LONP1: variants seen among roughly 807,000 people sequenced by gnomAD.
LONP1 encodes lon protease homolog, mitochondrial.
Under a neutral mutation model 98.5 loss-of-function variants are expected in LONP1, and 31 were observed. The observed-to-expected ratio is 0.31, with a 90% CI of 0.24 to 0.42. The LOEUF (loss-of-function observed/expected upper bound fraction) is 0.42, where lower values mean the gene tolerates loss of function less well. LONP1 is among the 20% of genes least tolerant of loss of function. LONP1 has a pLI of 1.00. For missense variants in LONP1, 1,336 were observed against 1,350.6 expected (o/e 0.99, Z 0.17); for synonymous variants, 781 against 594.7 (o/e 1.31, Z -4.56).
intron 5 of LONP1, chr19:5,708,037 G>GCAGC: frequency 1.6e-6 from 1 of 631,944 alleles, no homozygotes; most frequent in Non-Finnish European, 2.7e-6. Flanking sequence ...ATCCTCACGT[G>GCAGC]CAGCCACCAC....
chr19:5,694,299 C>T, intron 15 of LONP1, 88 bp downstream of exon 15: 1 of 1,534,750 alleles, frequency 6.5e-7, no homozygotes, highest in Non-Finnish European at 8.9e-7. Context: ...CACCTGAGGC[C>T]CACTGCACAG....
intron 13 of LONP1, 128 bp from the exon 14 acceptor site, chr19:5,695,029 A>G (rs2054901371): frequency 1.8e-6 from 2 of 1,141,714 alleles, no homozygotes; most frequent in Admixed American, 2.6e-5. Context: ...CTGATGGTGA[A>G]ACCAGGGCCT....
Position 5,713,208 on chromosome 19 carries a change from C to G in LONP1, c.564G>C (p.Thr188=). Reference sequence around the variant, plus strand: ...TCTCATGGATCTGGGCAAACGTCCCCGTGTGGTAGATTTCATCCAGGCTCT... The same window carrying G: ...TCTCATGGATCTGGGCAAACGTCCCGGTGTGGTAGATTTCATCCAGGCTCT... The part of the protein sequence containing the change: ...VVESLDEIYH[T]GTFAQIHEMQ... Residue 188 remains threonine (T), a synonymous_variant, in exon 3 of 18, where the codon ACG becomes ACC. Coordinates refer to ENST00000360614, the MANE Select transcript of LONP1 (RefSeq NM_004793.4). The G allele has an allele frequency of 6.2e-7, 1 of 1,614,172 alleles. No homozygotes were observed. The highest frequency in any genetic ancestry group is 2.2e-5 in the East Asian group (1 of 44,888).
chr19:5,703,386 G>A (rs1045123238), intron 8 of LONP1, among the ~76,000 whole-genome samples: 2 of 151,972 alleles, frequency 1.3e-5, no homozygotes, highest in South Asian at 2.1e-4. Context: ...TGGGGAAATG[G>A]AGGCCAGGTC....
chr19:5,701,020 A>G, intron 8 of LONP1, 93 bp from the exon 9 acceptor site: 1 of 1,459,804 alleles, frequency 6.9e-7, no homozygotes, highest in Non-Finnish European at 9.6e-7. Context: ...GGGGCTTGAA[A>G]CCCATGTGTG....
At chr19:5,693,865 G>A in intron 15 of LONP1, 96 bp from the exon 16 acceptor site, 1 of 1,026,988 alleles carries the variant, frequency 9.7e-7, no homozygotes, top group South Asian at 1.4e-5. Context: ...TCCTGCCCCA[G>A]TTTAGCATCT....
intron 15 of LONP1, 141 bp downstream of exon 15, chr19:5,694,246 T>G: frequency 9.1e-7 from 1 of 1,103,396 alleles, no homozygotes; most frequent in Non-Finnish European, 1.3e-6. Context: ...CCAGACCCCC[T>G]GGGCTCCCAG....
chr19:5,692,145 G>A lies in LONP1; in HGVS notation c.2767C>T (p.Leu923=), dbSNP rs1479369398. ...PAENKKDFYD[L]AAFITEGLEV... is the part of the protein sequence containing the mutation. ...AGGCCCTCGGTGATGAAGGCTGCCA[G>A]GTCGTAGAAGTCCTTCTTGTTCTCG... Residue 923 remains leucine, a synonymous_variant, in exon 18 of 18, where the codon CTG becomes TTG. Coordinates refer to ENST00000360614, the MANE Select transcript of LONP1 (RefSeq NM_004793.4). 1 of 1,614,154 alleles carries A rather than the reference G, an allele frequency of 6.2e-7. No individual in the cohort carries two copies. The highest frequency in any genetic ancestry group is 1.7e-5 in the Admixed American group (1 of 60,022).
At chr19:5,708,283 G>A in intron 5 of LONP1, 59 bp downstream of exon 5, 3 of 1,526,966 alleles carry the variant, frequency 2.0e-6, no homozygotes, top group Non-Finnish European at 9.0e-7. Flanking sequence ...TACCCACCCA[G>A]CTGCAGAAAG....
intron 8 of LONP1, among the ~76,000 whole-genome samples, chr19:5,702,274 C>T (rs1454271377): frequency 6.9e-6 from 1 of 144,708 alleles, no homozygotes; most frequent in Non-Finnish European, 1.5e-5. Context: ...CAGCCCCCCA[C>T]CAGGCCAGCT....
Position 5,694,378 on chromosome 19 carries a change from C to G in LONP1, c.2320+9G>C. The G allele has an allele frequency of 6.2e-7, 1 of 1,610,886 alleles. No homozygotes were observed. Among genetic ancestry groups the G allele is most frequent in the African/African-American group, 1.3e-5 (1 of 75,000 alleles). ...TGGCTTTGGGGTCTTCTCCCGCCAC[C>G]ACGCTCACCCATTGCGGTCCAGGCC... On this transcript the variant is annotated intron_variant, in intron 15 of 17. Transcript: ENST00000360614.
rs1283382811 is a variant in LONP1 at position 5,720,042 on chromosome 19, C to T, written c.91G>A (p.Val31Ile). 2 of 1,544,784 alleles carry T rather than the reference C, an allele frequency of 1.3e-6. No homozygotes were observed. Among genetic ancestry groups the T allele is most frequent in the African/African-American group, 1.4e-5 (1 of 71,340 alleles). The change falls in exon 1 of 18, where the codon GTT becomes ATT. Residue 31 changes from valine (V) to isoleucine (I), a missense_variant. This residue lies in a region of LONP1 where 457 missense variants were observed against 403.1 expected (regional missense o/e 1.13). Coordinates refer to ENST00000360614, the MANE Select transcript of LONP1 (RefSeq NM_004793.4). Reference protein sequence around the residue: ...RPMLAAAGGRVPTAAGAWLLR... With the variant: ...RPMLAAAGGRIPTAAGAWLLR... Reference sequence around the variant, plus strand: ...AACCACGCTCCTGCTGCAGTGGGAACCCGCCCCCCGGCGGCGGCCAGCATC... The same window carrying T: ...AACCACGCTCCTGCTGCAGTGGGAATCCGCCCCCCGGCGGCGGCCAGCATC...
At chr19:5,701,585 G>A (rs1314967325) in intron 8 of LONP1, among the ~76,000 whole-genome samples, 7 of 151,880 alleles carry the variant, frequency 4.6e-5, no homozygotes, top group South Asian at 2.1e-4. Context: ...CGCCGGCCTC[G>A]GCCTCCCGAG....
intron 10 of LONP1, among the ~76,000 whole-genome samples, chr19:5,697,463 T>G (rs1258082449): frequency 1.4e-5 from 2 of 146,138 alleles, no homozygotes; most frequent in Admixed American, 1.4e-4. Context: ...CCTGGTGTGT[T>G]AGAAGAACAG....
intron 15 of LONP1, among the ~76,000 whole-genome samples, chr19:5,694,053 A>T (rs907373561): frequency 1.3e-5 from 2 of 152,158 alleles, no homozygotes; most frequent in Non-Finnish European, 2.9e-5. Context: ...GACAGACACA[A>T]GCCCTTCTCC....
At chr19:5,701,612 C>T (rs1192447895) in intron 8 of LONP1, among the ~76,000 whole-genome samples, 3 of 152,236 alleles carry the variant, frequency 2.0e-5, no homozygotes, top group African/African-American at 4.8e-5. Context: ...GGATTGCAGA[C>T]GGAGTCTCGT....
At chr19:5,719,658 C>T (rs1417521662) in intron 1 of LONP1, 46 bp downstream of exon 1, 2 of 1,613,070 alleles carry the variant, frequency 1.2e-6, no homozygotes, top group South Asian at 2.2e-5. Flanking sequence ...CAGCCCGCTG[C>T]TTGCACAGGT....
At chr19:5,702,573 T>G (rs1404542034) in intron 8 of LONP1, among the ~76,000 whole-genome samples, 1 of 151,004 alleles carries the variant, frequency 6.6e-6, no homozygotes, top group African/African-American at 2.4e-5. Flanking sequence ...ATGGCAGTTT[T>G]GTGGAATAGA....
In LONP1 at chr19:5,711,996, A is replaced by G; in HGVS notation, c.645T>C (p.His215=). The G allele has an allele frequency of 6.2e-7, 1 of 1,611,694 alleles. No individual in the cohort carries two copies. Among genetic ancestry groups the G allele is most frequent in the Non-Finnish European group, 8.5e-7 (1 of 1,179,140 alleles). ...GCTCCACCTCCAGCTGTCTGCTGAT[A>G]TGGACTCTGACACGGGAGCAAGGCA... The part of the protein sequence containing the change: ...RMIVMGHRRV[H]ISRQLEVEPE... The change falls in exon 4 of 18, where the codon CAT becomes CAC. Residue 215 remains histidine (H), a synonymous_variant. Coordinates refer to ENST00000360614, the MANE Select transcript of LONP1 (RefSeq NM_004793.4).
Sources: allele counts gnomAD v4.1 joint callset (sites outside exome capture counted in the v4.1 genomes callset), GRCh38; gene constraint gnomAD v4.1.1; regional missense constraint gnomAD v4.1.1; transcripts MANE v1.5; gene names NCBI Gene and HGNC (gene_info 2026-07-23, HGNC 2026-07-21).